The following BMPR1B variants were observed in gnomAD, a reference collection of about 807,000 sequenced individuals.
BMPR1B encodes bone morphogenetic protein receptor type-1B.
In BMPR1B, 12 loss-of-function variants were observed where a neutral mutation model predicts 59.1. The ratio of observed to expected loss-of-function variants is 0.20; its 90% CI spans 0.13 to 0.33. The LOEUF (loss-of-function observed/expected upper bound fraction) is 0.33. Ranked by LOEUF, BMPR1B falls within the 10% of genes least tolerant of loss-of-function variation. The pLI is 1.00. For missense variants in BMPR1B, 550 were observed against 610.9 expected (o/e 0.90, Z 1.05); for synonymous variants, 237 against 207.3 (o/e 1.14, Z -1.23).
intron 3 of BMPR1B, among the ~76,000 whole-genome samples, chr4:95,032,441 G>T (rs1306219487): frequency 6.6e-6 from 1 of 152,124 alleles, no homozygotes; most frequent in Non-Finnish European, 1.5e-5. Context: ...AACACGGGAA[G>T]TAGGGAGGCT....
At chr4:94,856,535 T>C (rs951959366) in intron 1 of BMPR1B, among the ~76,000 whole-genome samples, 1 of 152,214 alleles carries the variant, frequency 6.6e-6, no homozygotes, top group Non-Finnish European at 1.5e-5. Context: ...CTCCTTTTGC[T>C]GATTAACAAT....
intron 2 of BMPR1B, among the ~76,000 whole-genome samples, chr4:94,981,861 A>C (rs527804916): frequency 6.6e-6 from 1 of 152,322 alleles, no homozygotes; most frequent in Non-Finnish European, 1.5e-5. Context: ...AATATTTCCC[A>C]GTTGAATTAT....
intron 10 of BMPR1B, among the ~76,000 whole-genome samples, chr4:95,132,389 A>T (rs1262503669): frequency 6.6e-6 from 1 of 152,168 alleles, no homozygotes; most frequent in East Asian, 1.9e-4. Context: ...GGAAAGTAAA[A>T]TTCACAAAAA....
At chr4:94,763,229 T>A (rs10049681) in intron 1 of BMPR1B, among the ~76,000 whole-genome samples, 1 of 152,016 alleles carries the variant, frequency 6.6e-6, no homozygotes, top group East Asian at 1.9e-4. Context: ...TTCCTCTAAT[T>A]AGGTCTGAGT....
chr4:94,944,501 G>A (rs1198008349), intron 2 of BMPR1B, among the ~76,000 whole-genome samples: 1 of 152,156 alleles, frequency 6.6e-6, no homozygotes, highest in Non-Finnish European at 1.5e-5. Flanking sequence ...TGGAGAACAT[G>A]ATTCAATTCA....
chr4:95,019,899 A>G (rs1723848383), intron 3 of BMPR1B, among the ~76,000 whole-genome samples: 1 of 152,222 alleles, frequency 6.6e-6, no homozygotes, highest in Non-Finnish European at 1.5e-5. Context: ...TAATTGGGGT[A>G]TATTTTTGGA....
At chr4:95,122,419 A>G (rs892028696) in intron 6 of BMPR1B, among the ~76,000 whole-genome samples, 22 of 152,144 alleles carry the variant, frequency 1.4e-4, no homozygotes, top group African/African-American at 5.3e-4. Context: ...CAAAGAAATG[A>G]TAAGTGTTTG....
At chr4:94,886,379 G>C (rs1727171557) in intron 2 of BMPR1B, among the ~76,000 whole-genome samples, 1 of 152,160 alleles carries the variant, frequency 6.6e-6, no homozygotes, top group Non-Finnish European at 1.5e-5. Flanking sequence ...TTTTCAGTAG[G>C]AGATTTGAGC....
chr4:95,102,842 G>C (rs1730921622), intron 3 of BMPR1B, among the ~76,000 whole-genome samples: 2 of 151,902 alleles, frequency 1.3e-5, no homozygotes, highest in Non-Finnish European at 2.9e-5. Flanking sequence ...CTTAATCTAG[G>C]GTTTTTCTAA....
intron 1 of BMPR1B, among the ~76,000 whole-genome samples, chr4:94,772,532 ACTAT>A (rs1172968089): frequency 1.1e-4 from 16 of 152,328 alleles, no homozygotes; most frequent in South Asian, 1.0e-3. Flanking sequence ...TATTACAGGT[ACTAT>A]CTGTGTGTTA....
At chr4:94,762,858 GTT>G (rs372347404) in intron 1 of BMPR1B, among the ~76,000 whole-genome samples, 10 of 141,410 alleles carry the variant, frequency 7.1e-5, no homozygotes, top group African/African-American at 7.8e-5. Context: ...ATCAGTTTTT[GTT>G]TTTTTTTTTT....
chr4:94,767,201 A>C (rs557852215), intron 1 of BMPR1B, among the ~76,000 whole-genome samples: 2 of 152,344 alleles, frequency 1.3e-5, no homozygotes, highest in African/African-American at 4.8e-5. Flanking sequence ...TATCCAGGGA[A>C]ACCTAAATTA....
chr4:94,846,737 A>G (rs1446755167), intron 1 of BMPR1B, among the ~76,000 whole-genome samples: 2 of 151,836 alleles, frequency 1.3e-5, no homozygotes, highest in Non-Finnish European at 1.5e-5. Context: ...CTATATCTAT[A>G]TATCCATTCC....
At chr4:94,842,295 T>G (rs1725118065) in intron 1 of BMPR1B, among the ~76,000 whole-genome samples, 1 of 152,166 alleles carries the variant, frequency 6.6e-6, no homozygotes, top group Non-Finnish European at 1.5e-5. Context: ...GAGATAAGTT[T>G]AAGCAAGTCT....
At chr4:94,891,951 A>AT (rs1031477145) in intron 2 of BMPR1B, among the ~76,000 whole-genome samples, 2 of 152,034 alleles carry the variant, frequency 1.3e-5, no homozygotes, top group African/African-American at 4.8e-5. Context: ...CAAGTACTTA[A>AT]TTTTTTAATT....
chr4:95,131,066 A>G (rs943637856), intron 9 of BMPR1B, 149 bp from the exon 10 acceptor site: 1 of 799,608 alleles, frequency 1.3e-6, no homozygotes, highest in Non-Finnish European at 2.0e-6. Context: ...TATTGGTATT[A>G]GTCATTTAAT....
intron 2 of BMPR1B, among the ~76,000 whole-genome samples, chr4:94,935,396 A>G (rs1442961362): frequency 6.6e-6 from 1 of 152,198 alleles, no homozygotes; most frequent in Admixed American, 6.5e-5. Flanking sequence ...ACCACCAAAT[A>G]TGTGTTGTGC....
intron 1 of BMPR1B, among the ~76,000 whole-genome samples, chr4:94,758,271 C>T (rs1158237503): frequency 4.2e-5 from 6 of 143,854 alleles, no homozygotes; most frequent in African/African-American, 1.6e-4. Flanking sequence ...GCTGCGCGGC[C>T]GTGGGGCGGT....
intron 2 of BMPR1B, among the ~76,000 whole-genome samples, chr4:94,975,245 A>G (rs573079835): frequency 3.3e-5 from 5 of 152,078 alleles, no homozygotes; most frequent in Non-Finnish European, 7.4e-5. Context: ...TCTGTCCAGG[A>G]AGTTGCCTTG....
Sources: allele counts gnomAD v4.1 joint callset (sites outside exome capture counted in the v4.1 genomes callset), GRCh38; gene constraint gnomAD v4.1.1; transcripts MANE v1.5; gene names NCBI Gene and HGNC (gene_info 2026-07-23, HGNC 2026-07-21).